The following KCNIP4 variants were observed in gnomAD, a reference collection of about 807,000 sequenced individuals.
KCNIP4 encodes potassium voltage-gated channel interacting protein 4.
Under a neutral mutation model 34.0 loss-of-function variants are expected in KCNIP4, and 12 were observed. The ratio of observed to expected loss-of-function variants is 0.35; its 90% CI spans 0.23 to 0.57. The LOEUF (loss-of-function observed/expected upper bound fraction) is 0.57, where lower values mean the gene tolerates loss of function less well. Ranked by LOEUF, KCNIP4 falls within the 20% of genes least tolerant of loss-of-function variation. KCNIP4 has a pLI of 0.83. For synonymous variants in KCNIP4, 124 were observed against 102.2 expected (o/e 1.21, Z -1.29); for missense variants, 238 against 311.7 (o/e 0.76, Z 1.78).
chr4:21,577,301 C>T (rs781249540), intron 1 of KCNIP4, among the ~76,000 whole-genome samples: 4 of 152,136 alleles, frequency 2.6e-5, no homozygotes, highest in Non-Finnish European at 4.4e-5. Context: ...CATGATCTGG[C>T]CTTGCACAAC....
intron 1 of KCNIP4, among the ~76,000 whole-genome samples, chr4:21,267,788 A>C (rs2109124185): frequency 6.7e-6 from 1 of 148,476 alleles, no homozygotes; most frequent in South Asian, 2.3e-4. Flanking sequence ...AATGTTCATC[A>C]AGGATATTGG....
At chr4:21,851,659 C>G (rs542362535) in intron 1 of KCNIP4, 1 of 152,250 alleles carries the variant, frequency 6.6e-6, no homozygotes, top group East Asian at 1.9e-4. Context: ...CTTAAGACAG[C>G]CCCCACTTTG....
intron 1 of KCNIP4, among the ~76,000 whole-genome samples, chr4:20,996,627 G>C (rs956258312): frequency 6.6e-6 from 1 of 152,102 alleles, no homozygotes; most frequent in African/African-American, 2.4e-5. Flanking sequence ...CTCAAATGCT[G>C]TCTTCTCAGA....
At chr4:21,924,892 C>T (rs1729148910) in intron 1 of KCNIP4, among the ~76,000 whole-genome samples, 1 of 152,000 alleles carries the variant, frequency 6.6e-6, no homozygotes, top group Admixed American at 6.6e-5. Flanking sequence ...GATCATGCTA[C>T]TCCATTGGTA....
chr4:21,912,118 C>G (rs1208901453), intron 1 of KCNIP4, among the ~76,000 whole-genome samples: 1 of 151,838 alleles, frequency 6.6e-6, no homozygotes, highest in African/African-American at 2.4e-5. Flanking sequence ...TCAAAACTCT[C>G]ATTTTTTAAA....
intron 1 of KCNIP4, among the ~76,000 whole-genome samples, chr4:21,663,616 C>T (rs1748615954): frequency 1.3e-5 from 2 of 152,296 alleles, no homozygotes; most frequent in South Asian, 4.1e-4. Flanking sequence ...CCTGACCTTG[C>T]TTGTTCTAAG....
intron 3 of KCNIP4, among the ~76,000 whole-genome samples, chr4:20,775,341 C>G (rs1455393333): frequency 6.6e-6 from 1 of 152,038 alleles, no homozygotes; most frequent in African/African-American, 2.4e-5. Context: ...GTAAATAACT[C>G]AAGATTATGA....
At chr4:21,784,313 G>A (rs535815399) in intron 1 of KCNIP4, among the ~76,000 whole-genome samples, 2 of 151,960 alleles carry the variant, frequency 1.3e-5, no homozygotes, top group South Asian at 2.1e-4. Context: ...AAACTTACTC[G>A]ACTCCAACAA....
At chr4:21,366,313 C>A (rs1420016940) in intron 1 of KCNIP4, among the ~76,000 whole-genome samples, 1 of 152,202 alleles carries the variant, frequency 6.6e-6, no homozygotes. Context: ...GCAGAGGATG[C>A]TGCATGCAAC....
intron 1 of KCNIP4, among the ~76,000 whole-genome samples, chr4:21,127,408 A>AACC (rs1453570610): frequency 6.6e-6 from 1 of 152,166 alleles, no homozygotes; most frequent in Non-Finnish European, 1.5e-5. Context: ...AATCTTATTC[A>AACC]ACCTGTCTCT....
chr4:21,654,851 G>C (rs1577768328), intron 1 of KCNIP4, among the ~76,000 whole-genome samples: 1 of 152,116 alleles, frequency 6.6e-6, no homozygotes, highest in Non-Finnish European at 1.5e-5. Context: ...GTGAACCTGG[G>C]AGGCGGAGCT....
chr4:20,837,188 G>A (rs912828638), intron 3 of KCNIP4, among the ~76,000 whole-genome samples: 5 of 151,900 alleles, frequency 3.3e-5, no homozygotes, highest in Non-Finnish European at 7.4e-5. Context: ...TTACTAAAAT[G>A]TGAATAGACA....
intron 1 of KCNIP4, among the ~76,000 whole-genome samples, chr4:21,344,151 G>A (rs991303062): frequency 1.3e-5 from 2 of 152,154 alleles, no homozygotes; most frequent in Admixed American, 6.6e-5. Context: ...ATTAGTGGTG[G>A]ATTTTCCAAT....
At chr4:21,568,034 T>C (rs1054418520) in intron 1 of KCNIP4, among the ~76,000 whole-genome samples, 2 of 152,126 alleles carry the variant, frequency 1.3e-5, no homozygotes, top group African/African-American at 4.8e-5. Flanking sequence ...CCATGATAAC[T>C]TGCCCTGAGG....
chr4:21,395,330 ACAT>A (rs1371686983), intron 1 of KCNIP4, among the ~76,000 whole-genome samples: 1 of 152,082 alleles, frequency 6.6e-6, no homozygotes, highest in Non-Finnish European at 1.5e-5. Context: ...CCATACACAA[ACAT>A]TATTATCATA....
In KCNIP4 at chr4:21,124,043, CA is replaced by C. The variant is rs35229012; in HGVS notation, c.62-241335del. On this transcript the variant is annotated intron_variant, in intron 1 of 8. Coordinates refer to ENST00000382152, the MANE Select transcript of KCNIP4 (RefSeq NM_025221.6). ...ATTTTGTAAAAAAACAAAAAAACAA[CA>C]AAAAAAAAACAACAAAAAAAACCTA... Among the ~76,000 whole-genome samples, 148 of 145,966 alleles carry C rather than the reference CA, an allele frequency of 1.0e-3. 2 individuals are homozygous for C. The highest frequency in any genetic ancestry group is 4.0e-3 in the Admixed American group (58 of 14,662).
At chr4:21,759,763 T>C (rs1717916694) in intron 1 of KCNIP4, among the ~76,000 whole-genome samples, 1 of 152,056 alleles carries the variant, frequency 6.6e-6, no homozygotes, top group Non-Finnish European at 1.5e-5. Flanking sequence ...CAACCTACGT[T>C]CCAAAATTCT....
At chr4:21,861,721 C>A (rs1725089991) in intron 1 of KCNIP4, among the ~76,000 whole-genome samples, 1 of 151,280 alleles carries the variant, frequency 6.6e-6, no homozygotes, top group Non-Finnish European at 1.5e-5. Context: ...TAAATTGAGT[C>A]CATAGCCTCT....
At chr4:21,495,613 G>A (rs1343514208) in intron 1 of KCNIP4, among the ~76,000 whole-genome samples, 1 of 151,210 alleles carries the variant, frequency 6.6e-6, no homozygotes, top group Non-Finnish European at 1.5e-5. Context: ...GTTACAGATT[G>A]GGTTCCTACA....
Sources: allele counts gnomAD v4.1 joint callset (sites outside exome capture counted in the v4.1 genomes callset), GRCh38; gene constraint gnomAD v4.1.1; transcripts MANE v1.5; gene names NCBI Gene and HGNC (gene_info 2026-07-23, HGNC 2026-07-21).